Variants in FER1L6 observed in about 807,000 individuals in gnomAD.
The protein encoded by FER1L6 is fer-1 like family member 6.
FER1L6 carries 177 observed loss-of-function variants against 219.2 expected under a neutral mutation model. The ratio of observed to expected loss-of-function variants is 0.81; its 90% CI spans 0.71 to 0.91. FER1L6 has a LOEUF of 0.91. Ranked by LOEUF, FER1L6 falls within the 40% of genes least tolerant of loss-of-function variation. The pLI, the probability that FER1L6 is intolerant of heterozygous loss-of-function variation, is 0.00. For missense variants in FER1L6, 2,153 were observed against 2,259.9 expected (o/e 0.95, Z 0.96); for synonymous variants, 768 against 824.3 (o/e 0.93, Z 1.17).
At chr8:123,904,136 T>C (rs1186057854) in intron 1 of FER1L6, among the ~76,000 whole-genome samples, 2 of 152,082 alleles carry the variant, frequency 1.3e-5, no homozygotes, top group Admixed American at 1.3e-4. Context: ...GGGGCATATG[T>C]AGGTGTATAA....
At chr8:123,920,773 A>G (rs1431537166) in intron 1 of FER1L6, among the ~76,000 whole-genome samples, 4 of 152,228 alleles carry the variant, frequency 2.6e-5, no homozygotes, top group African/African-American at 9.6e-5. Flanking sequence ...ACTGTTGTAC[A>G]ATAGACCTCT....
intron 1 of FER1L6, among the ~76,000 whole-genome samples, chr8:123,873,608 C>T (rs1173787375): frequency 6.6e-6 from 1 of 152,182 alleles, no homozygotes; most frequent in South Asian, 2.1e-4. Context: ...TGCTAGCCTT[C>T]TCTGTTGCAA....
intron 1 of FER1L6, among the ~76,000 whole-genome samples, chr8:123,874,981 C>T (rs749644623): frequency 3.3e-5 from 5 of 151,946 alleles, no homozygotes; most frequent in African/African-American, 4.8e-5. Context: ...CAGATCATGA[C>T]GTCAAGAGAT....
chr8:124,060,330 C>T, intron 23 of FER1L6, 40 bp downstream of exon 23: 3 of 1,586,146 alleles, frequency 1.9e-6, no homozygotes, highest in Non-Finnish European at 2.6e-6. Context: ...CTTTGGCACT[C>T]AAGGGCAGTG....
chr8:124,093,855 T>C (rs991826151), intron 34 of FER1L6, among the ~76,000 whole-genome samples: 4 of 152,076 alleles, frequency 2.6e-5, no homozygotes, highest in Admixed American at 6.5e-5. Context: ...ATGGGATAAA[T>C]AAAACATTTT....
Position 124,071,627 on chromosome 8 carries a change from T to C in FER1L6, c.4088T>C (p.Val1363Ala). 1 of 1,612,738 alleles carries C rather than the reference T, an allele frequency of 6.2e-7. No homozygotes were observed. Among genetic ancestry groups the C allele is most frequent in the Non-Finnish European group, 8.5e-7 (1 of 1,178,906 alleles). Residue 1363 changes from valine (V) to alanine (A), a missense_variant, in exon 31 of 41, where the codon GTC becomes GCC. Physicochemically the swap from Val to Ala is moderately conservative, Grantham distance 64. Coordinates refer to ENST00000522917, the MANE Select transcript of FER1L6 (RefSeq NM_001039112.2). Reference sequence around the variant, plus strand: ...ACAGTGCTGATCAGAGTATACATTGTCGCGGTGAGCCATTCTTGTTTGCTC... The same window carrying C: ...ACAGTGCTGATCAGAGTATACATTGCCGCGGTGAGCCATTCTTGTTTGCTC... ...PVTVLIRVYI[V>A]AAFNLSPADP... is the part of the protein sequence containing the mutation.
rs373293197 is a variant in FER1L6, at chr8:124,061,897, G to A, written c.3193G>A (p.Val1065Met). 160 of 1,614,124 alleles carry A rather than the reference G, an allele frequency of 9.9e-5. No individual in the cohort carries two copies. The highest frequency in any genetic ancestry group is 1.8e-4 in the Admixed American group (11 of 60,020). Residue 1065 changes from valine (V) to methionine (M), a missense_variant, in exon 25 of 41, where the codon GTG becomes ATG. Coordinates refer to ENST00000522917, the MANE Select transcript of FER1L6 (RefSeq NM_001039112.2). Reference protein sequence around the residue: ...ELLHPPLSICVVDWRAFGRST... With the variant: ...ELLHPPLSICMVDWRAFGRST... ...TCTGCACCCGCCACTGAGCATCTGCGTGGTGGACTGGAGAGCTTTTGGGAG... is the reference window on the plus strand; with the variant it reads ...TCTGCACCCGCCACTGAGCATCTGCATGGTGGACTGGAGAGCTTTTGGGAG...
chr8:123,989,190 T>C (rs1816739236), intron 12 of FER1L6, among the ~76,000 whole-genome samples: 1 of 152,178 alleles, frequency 6.6e-6, no homozygotes, highest in Non-Finnish European at 1.5e-5. Context: ...TCATGATGAA[T>C]GATATTTTTA....
chr8:123,890,354 A>G (rs977354000), intron 1 of FER1L6, among the ~76,000 whole-genome samples: 1 of 152,072 alleles, frequency 6.6e-6, no homozygotes, highest in African/African-American at 2.4e-5. Context: ...TTGACTGAGT[A>G]GGAGAAAAAC....
chr8:123,996,963 A>G (rs527303021), intron 12 of FER1L6, among the ~76,000 whole-genome samples: 1 of 152,192 alleles, frequency 6.6e-6, no homozygotes, highest in East Asian at 1.9e-4. Context: ...TATACTGTCC[A>G]TGTCTTAAAG....
chr8:123,877,313 T>C (rs576105075), intron 1 of FER1L6, among the ~76,000 whole-genome samples: 2 of 152,362 alleles, frequency 1.3e-5, no homozygotes, highest in South Asian at 4.1e-4. Context: ...CCTCTGTTAA[T>C]CATATTTTTC....
At chr8:124,017,106 G>A (rs1035509332) in intron 15 of FER1L6, among the ~76,000 whole-genome samples, 2 of 151,980 alleles carry the variant, frequency 1.3e-5, no homozygotes, top group Non-Finnish European at 2.9e-5. Flanking sequence ...TTCCCCAAGC[G>A]TTTAGTCCAT....
intron 10 of FER1L6, among the ~76,000 whole-genome samples, chr8:123,979,582 C>T (rs1217485938): frequency 1.3e-5 from 2 of 152,168 alleles, no homozygotes; most frequent in African/African-American, 4.8e-5. Context: ...TTCTCAGACA[C>T]TATGTATTAA....
At position 124,056,371 on chromosome 8, in the gene FER1L6, C is replaced by T. The variant is rs921236461; in HGVS notation, c.2875-3809C>T. Reference sequence around the variant, plus strand: ...TCCATGGATTTATGTGTTAACTCTGCCTGTTTAGAATCCATTCTTCCTTTT... The same window carrying T: ...TCCATGGATTTATGTGTTAACTCTGTCTGTTTAGAATCCATTCTTCCTTTT... On this transcript the variant is annotated intron_variant, in intron 22 of 40. Coordinates refer to ENST00000522917, the MANE Select transcript of FER1L6 (RefSeq NM_001039112.2). 1.3e-5 allele frequency among the ~76,000 whole-genome samples: 2 copies of T among 152,212 alleles called. 1 individual carries two copies. The highest frequency in any genetic ancestry group is 1.3e-4 in the Admixed American group (2 of 15,280).
At chr8:124,097,924 T>C (rs745333100) in intron 37 of FER1L6, 41 bp downstream of exon 37, 5 of 1,065,410 alleles carry the variant, frequency 4.7e-6, no homozygotes, top group Non-Finnish European at 7.3e-6. Context: ...TTTCCTTCCC[T>C]CCTCACCTTT....
chr8:123,875,576 C>G (rs1816993414), intron 1 of FER1L6, among the ~76,000 whole-genome samples: 1 of 152,180 alleles, frequency 6.6e-6, no homozygotes, highest in South Asian at 2.1e-4. Flanking sequence ...CCCTGGGCCT[C>G]TCGCCTGAAT....
chr8:123,993,245 A>G (rs1816948855), intron 12 of FER1L6, among the ~76,000 whole-genome samples: 1 of 151,876 alleles, frequency 6.6e-6, no homozygotes, highest in Non-Finnish European at 1.5e-5. Flanking sequence ...GATCGAGACC[A>G]TCCCGGCTAA....
chr8:123,938,305 T>G (rs1814084696), intron 1 of FER1L6, among the ~76,000 whole-genome samples: 1 of 152,146 alleles, frequency 6.6e-6, no homozygotes, highest in Non-Finnish European at 1.5e-5. Flanking sequence ...CTTTTGCATC[T>G]CCAGAAAATT....
At chr8:123,901,261 A>G (rs1228232398) in intron 1 of FER1L6, among the ~76,000 whole-genome samples, 3 of 152,206 alleles carry the variant, frequency 2.0e-5, no homozygotes, top group Non-Finnish European at 2.9e-5. Context: ...GAATTAATCC[A>G]TCTCTTCCAG....
Sources: allele counts gnomAD v4.1 joint callset (sites outside exome capture counted in the v4.1 genomes callset), GRCh38; gene constraint gnomAD v4.1.1; transcripts MANE v1.5; gene names NCBI Gene and HGNC (gene_info 2026-07-23, HGNC 2026-07-21).